The following TRMT1L variants were observed in gnomAD, a reference collection of about 807,000 sequenced individuals.
TRMT1L encodes the protein tRNA (guanine(27)-N(2))-dimethyltransferase.
TRMT1L carries 28 observed loss-of-function variants against 81.6 expected under a neutral mutation model. The ratio of observed to expected loss-of-function variants is 0.34; its 90% CI spans 0.25 to 0.47. The LOEUF (loss-of-function observed/expected upper bound fraction) is 0.47, where lower values mean the gene tolerates loss of function less well. TRMT1L is among the 20% of genes least tolerant of loss of function. The probability of loss-of-function intolerance (pLI) is 1.00; values close to 1 mark genes in which losing one functional copy is unlikely to be tolerated. For missense variants in TRMT1L, 739 were observed against 877.1 expected, an observed-to-expected ratio of 0.84 and a Z score of 1.99; for synonymous variants, 301 against 303.2, an observed-to-expected ratio of 0.99 and a Z score of 0.07.
chr1:185,132,784 C>T (rs1303116762), intron 10 of TRMT1L, among the ~76,000 whole-genome samples: 1 of 152,128 alleles, frequency 6.6e-6, no homozygotes. Context: ...AAAATGATTT[C>T]CATCCTAGAA....
Position 185,156,617 on chromosome 1 carries a change from A to C in TRMT1L, c.96T>G (p.Ala32=). ...AATCCGGGGCCGGAGCTGGGACCCCAGCCGAGTCCCGGGCCGGGGTCGGGA... is the reference window on the plus strand; with the variant it reads ...AATCCGGGGCCGGAGCTGGGACCCCCGCCGAGTCCCGGGCCGGGGTCGGGA... ...VQVPTPARDS[A]GVPAPAPDSA... is the part of the protein sequence containing the mutation. Residue 32 remains alanine, a synonymous_variant, in exon 1 of 15, where the codon GCT becomes GCG. Transcript: ENST00000367506. The C allele has an allele frequency of 6.2e-7, 1 of 1,602,026 alleles. No individual in the cohort carries two copies. The highest frequency in any genetic ancestry group is 8.5e-7 in the Non-Finnish European group (1 of 1,174,432).
At chr1:185,138,503 T>C (rs1652955833) in intron 9 of TRMT1L, among the ~76,000 whole-genome samples, 1 of 152,190 alleles carries the variant, frequency 6.6e-6, no homozygotes, top group Admixed American at 6.5e-5. Context: ...TTAAATGCTC[T>C]GAAACTAGTA....
At chr1:185,133,022 C>T (rs966200517) in intron 10 of TRMT1L, among the ~76,000 whole-genome samples, 4 of 152,200 alleles carry the variant, frequency 2.6e-5, no homozygotes, top group Non-Finnish European at 5.9e-5. Flanking sequence ...AACAGGAGGG[C>T]TGTCTCCAGG....
chr1:185,143,343 G>C lies in TRMT1L; in HGVS notation c.859+14C>G. ...ATAAATAAAATGGGGTTCCAAAAAAGTGTCCTCACTTACCAGTGGCTCCAA... is the reference window on the plus strand; with the variant it reads ...ATAAATAAAATGGGGTTCCAAAAAACTGTCCTCACTTACCAGTGGCTCCAA... On this transcript the variant is annotated intron_variant, in intron 7 of 14. Transcript: ENST00000367506. The C allele has an allele frequency of 1.3e-6, 2 of 1,584,400 alleles. No homozygotes were observed. Among genetic ancestry groups the C allele is most frequent in the Non-Finnish European group, 1.7e-6 (2 of 1,167,146 alleles).
chr1:185,126,280 C>A (rs1373821453), intron 11 of TRMT1L, among the ~76,000 whole-genome samples: 1 of 152,114 alleles, frequency 6.6e-6, no homozygotes, highest in Non-Finnish European at 1.5e-5. Flanking sequence ...TATTCCTCAT[C>A]ATGAAATGTA....
intron 4 of TRMT1L, among the ~76,000 whole-genome samples, chr1:185,146,428 T>C (rs966492598): frequency 6.6e-6 from 1 of 152,054 alleles, no homozygotes; most frequent in African/African-American, 2.4e-5. Flanking sequence ...CCTTTTTACT[T>C]GGACCCTTAC....
chr1:185,143,759 A>C, intron 6 of TRMT1L, 147 bp downstream of exon 6: 1 of 730,602 alleles, frequency 1.4e-6, no homozygotes. Flanking sequence ...AAAAAAAGAA[A>C]CAATTCTTCT....
chr1:185,128,165 C>T (rs1652681176), intron 11 of TRMT1L, among the ~76,000 whole-genome samples: 1 of 152,082 alleles, frequency 6.6e-6, no homozygotes, highest in Non-Finnish European at 1.5e-5. Context: ...GTACAATCAG[C>T]TGTTACCAAT....
At chr1:185,128,966 T>TA (rs1652703557) in intron 10 of TRMT1L, among the ~76,000 whole-genome samples, 4 of 151,988 alleles carry the variant, frequency 2.6e-5, no homozygotes, top group Admixed American at 2.6e-4. Flanking sequence ...ATATATATAT[T>TA]TTTTTAATTT....
chr1:185,153,508 A>C (rs1409224023), intron 1 of TRMT1L, among the ~76,000 whole-genome samples: 1 of 152,204 alleles, frequency 6.6e-6, no homozygotes, highest in Non-Finnish European at 1.5e-5. Flanking sequence ...TGTAGAGATC[A>C]AGAAAGCACA....
At chr1:185,137,888 G>T in intron 9 of TRMT1L, 92 bp from the exon 10 acceptor site, 1 of 1,263,968 alleles carries the variant, frequency 7.9e-7, no homozygotes, top group Non-Finnish European at 1.1e-6. Context: ...AGTATACTAT[G>T]GATAAGTTAT....
chr1:185,130,598 A>G (rs1358180137), intron 10 of TRMT1L, among the ~76,000 whole-genome samples: 4 of 152,228 alleles, frequency 2.6e-5, no homozygotes, highest in Non-Finnish European at 5.9e-5. Context: ...GAAGATGACT[A>G]TAGAGAGGTA....
intron 7 of TRMT1L, among the ~76,000 whole-genome samples, chr1:185,141,575 G>T (rs1450184864): frequency 1.3e-5 from 2 of 152,080 alleles, no homozygotes; most frequent in African/African-American, 4.8e-5. Context: ...GTGGTGGTAG[G>T]CGCCTGTCAT....
intron 3 of TRMT1L, among the ~76,000 whole-genome samples, chr1:185,147,714 T>C (rs1653226752): frequency 6.6e-6 from 1 of 152,176 alleles, no homozygotes; most frequent in Non-Finnish European, 1.5e-5. Flanking sequence ...CCTTCTCTCA[T>C]GCCCTAAAAT....
chr1:185,120,230 C>T lies in TRMT1L; in HGVS notation c.1991G>A (p.Arg664Gln), dbSNP rs1259143514. Residue 664 changes from arginine to glutamine, a missense_variant, in exon 15 of 15, where the codon CGA becomes CAA. Arg to Gln is a conservative substitution (Grantham distance 43). Transcript: ENST00000367506. ...FLCYLSQAGF[R>Q]VSRTHFDPMG... ...TGGGTCAAAATGAGTTCGGCTTACT[C>T]GAAAGCCTGCTTGAGATAAATAGCA... is the stretch of plus-strand genomic sequence containing the variant. 1.9e-6 allele frequency: 3 copies of T among 1,594,060 alleles called. No individual in the cohort carries two copies. The highest frequency in any genetic ancestry group is 1.3e-5 in the African/African-American group (1 of 74,606).
chr1:185,130,698 C>T (rs1224460041), intron 10 of TRMT1L, among the ~76,000 whole-genome samples: 2 of 152,182 alleles, frequency 1.3e-5, no homozygotes, highest in Non-Finnish European at 2.9e-5. Context: ...TGTGTCCTCC[C>T]CATTCCAAAA....
chr1:185,126,886 A>G (rs1571343405), intron 11 of TRMT1L, among the ~76,000 whole-genome samples: 1 of 152,302 alleles, frequency 6.6e-6, no homozygotes, highest in South Asian at 2.1e-4. Context: ...AGTCCCAGCT[A>G]CTCGGGAGGC....
chr1:185,156,549 G>A lies in TRMT1L; in HGVS notation c.164C>T (p.Pro55Leu). 6.2e-7 allele frequency: 1 copy of A among 1,608,926 alleles called. No homozygotes were observed. The highest frequency in any genetic ancestry group is 8.5e-7 in the Non-Finnish European group (1 of 1,177,776). The change falls in exon 1 of 15, where the codon CCA (proline) becomes CTA (leucine). Residue 55 changes from proline (P) to leucine (L), a missense_variant. Physicochemically the swap from Pro to Leu is moderately conservative, Grantham distance 98 (BLOSUM62 -3). Transcript: ENST00000367506. ...SAPTPASAPA[P>L]APALAQAPAL... is the part of the protein sequence containing the mutation. ...CGGAGCCTGGGCCAGGGCAGGGGCT[G>A]GGGCTGGAGCCGAGGCCGGAGTCGG...
At chr1:185,145,376 T>C (rs1653160576) in intron 5 of TRMT1L, 63 bp downstream of exon 5, 1 of 1,507,670 alleles carries the variant, frequency 6.6e-7, no homozygotes, top group Non-Finnish European at 9.1e-7. Flanking sequence ...TGTCTGAAAA[T>C]AATAACTGGA....
Sources: allele counts gnomAD v4.1 joint callset (sites outside exome capture counted in the v4.1 genomes callset), GRCh38; gene constraint gnomAD v4.1.1; transcripts MANE v1.5; gene names NCBI Gene and HGNC (gene_info 2026-07-23, HGNC 2026-07-21).